EYS: variants seen among roughly 807,000 people sequenced by gnomAD.
EYS encodes the protein EGF-like photoreceptor maintenance factor.
EYS carries 250 observed loss-of-function variants against 282.1 expected under a neutral mutation model. The observed-to-expected ratio is 0.89, with a 90% CI of 0.80 to 0.98. The LOEUF is 0.98. EYS is among the 50% of genes least tolerant of loss of function. The pLI is 0.00. For synonymous variants in EYS, 1,355 were observed against 1,282.9 expected (o/e 1.06, Z -1.20); for missense variants, 4,016 against 3,709.0 (o/e 1.08, Z -2.15).
At chr6:63,926,410 A>G (rs752093588) in intron 35 of EYS, among the ~76,000 whole-genome samples, 1 of 152,194 alleles carries the variant, frequency 6.6e-6, no homozygotes, top group Non-Finnish European at 1.5e-5. Context: ...CTGTATGTAA[A>G]AGTTAAACAT....
intron 8 of EYS, among the ~76,000 whole-genome samples, chr6:65,370,497 C>T (rs1456721808): frequency 6.6e-6 from 1 of 151,244 alleles, no homozygotes; most frequent in East Asian, 1.9e-4. Context: ...TCAAGCCATC[C>T]TTCTATCTCA....
chr6:65,222,108 A>G (rs1237987920), intron 12 of EYS, among the ~76,000 whole-genome samples: 2 of 152,216 alleles, frequency 1.3e-5, no homozygotes, highest in African/African-American at 4.8e-5. Flanking sequence ...GCCTTGTCTC[A>G]GATGAGACTT....
At chr6:63,754,303 G>C (rs988749969) in intron 41 of EYS, among the ~76,000 whole-genome samples, 1 of 151,988 alleles carries the variant, frequency 6.6e-6, no homozygotes, top group South Asian at 2.1e-4. Context: ...TCTACTTGTC[G>C]TTTACATTAG....
chr6:64,146,915 C>T (rs1362985676), intron 31 of EYS, among the ~76,000 whole-genome samples: 1 of 152,096 alleles, frequency 6.6e-6, no homozygotes, highest in African/African-American at 2.4e-5. Flanking sequence ...TTCCATTTTT[C>T]TGATGAAAAA....
At chr6:64,158,668 A>G (rs780625583) in intron 31 of EYS, among the ~76,000 whole-genome samples, 7 of 152,230 alleles carry the variant, frequency 4.6e-5, no homozygotes, top group Non-Finnish European at 8.8e-5. Context: ...TGGGTCACCA[A>G]TTATAATATC....
intron 32 of EYS, among the ~76,000 whole-genome samples, chr6:64,068,557 G>A (rs1482107012): frequency 6.6e-6 from 1 of 151,928 alleles, no homozygotes; most frequent in Non-Finnish European, 1.5e-5. Flanking sequence ...TATACCTAAT[G>A]TAAATGACGA....
At chr6:64,790,271 T>C (rs1005435839) in intron 22 of EYS, among the ~76,000 whole-genome samples, 2 of 151,948 alleles carry the variant, frequency 1.3e-5, no homozygotes. Context: ...ACTGGATCTA[T>C]GAATACCAAA....
chr6:63,727,383 C>T lies in EYS; in HGVS notation c.8072-703G>A, dbSNP rs527615188. ...CTGTGGACCAGGCGTATGCTAACGG[C>T]TCCTTTTACTTTAGATTGAATAATT... On this transcript the variant is annotated intron_variant, in intron 41 of 42. Transcript: ENST00000503581. 2.0e-5 allele frequency among the ~76,000 whole-genome samples: 3 copies of T among 151,984 alleles called. No individual in the cohort carries two copies. In the South Asian group the frequency reaches 6.2e-4, roughly 32 times the overall value.
At chr6:65,362,523 A>G (rs1281014158) in intron 8 of EYS, among the ~76,000 whole-genome samples, 3 of 149,984 alleles carry the variant, frequency 2.0e-5, no homozygotes, top group Non-Finnish European at 4.4e-5. Context: ...ACACATGCAT[A>G]TACATTACAT....
chr6:65,632,387 T>C (rs1437743322), intron 2 of EYS, among the ~76,000 whole-genome samples: 2 of 152,308 alleles, frequency 1.3e-5, no homozygotes, highest in Admixed American at 1.3e-4. Flanking sequence ...ATAAAATTTT[T>C]CTGAGCCTGG....
chr6:63,727,102 T>C (rs981525305), intron 41 of EYS, among the ~76,000 whole-genome samples: 1 of 152,202 alleles, frequency 6.6e-6, no homozygotes, highest in Non-Finnish European at 1.5e-5. Context: ...TATTTCTGAT[T>C]CAAATACAGA....
At chr6:65,316,443 G>A (rs1769296951) in intron 11 of EYS, among the ~76,000 whole-genome samples, 1 of 113,286 alleles carries the variant, frequency 8.8e-6, no homozygotes, top group Admixed American at 1.1e-4. Context: ...ATGTGTGGTG[G>A]GTGGTAAGGG....
intron 33 of EYS, among the ~76,000 whole-genome samples, chr6:64,024,580 T>C (rs917207116): frequency 6.6e-6 from 1 of 152,104 alleles, no homozygotes. Flanking sequence ...TCTTTCACTC[T>C]TTGCAATGAA....
intron 35 of EYS, among the ~76,000 whole-genome samples, chr6:63,971,456 A>G (rs763873538): frequency 1.3e-5 from 2 of 152,240 alleles, no homozygotes; most frequent in African/African-American, 2.4e-5. Flanking sequence ...AGATTATAGA[A>G]AATAGCACTG....
chr6:64,439,670 C>T (rs958775257), intron 26 of EYS, among the ~76,000 whole-genome samples: 3 of 151,710 alleles, frequency 2.0e-5, no homozygotes, highest in Admixed American at 2.0e-4. Flanking sequence ...CTTATTTCTT[C>T]TTTATATAAG....
At chr6:65,615,413 TATAA>T (rs1766154926) in intron 2 of EYS, among the ~76,000 whole-genome samples, 1 of 149,438 alleles carries the variant, frequency 6.7e-6, no homozygotes, top group South Asian at 2.1e-4. Context: ...TGTGTGTATA[TATAA>T]ATATATATAT....
intron 41 of EYS, among the ~76,000 whole-genome samples, chr6:63,738,973 T>C (rs1466507631): frequency 1.3e-5 from 2 of 152,150 alleles, no homozygotes; most frequent in Non-Finnish European, 2.9e-5. Flanking sequence ...TCGTGTTACG[T>C]TTATTAGCTG....
rs565769695 is a variant in EYS at position 65,465,511 on chromosome 6, CA to C, written c.862+25082del. 2.0e-3 allele frequency among the ~76,000 whole-genome samples: 301 copies of C among 150,950 alleles called. 1 individual carries two copies. The highest frequency in any genetic ancestry group is 7.1e-3 in the African/African-American group (291 of 41,114). On this transcript the variant is annotated intron_variant, in intron 5 of 42. Coordinates refer to ENST00000503581, the MANE Select transcript of EYS (RefSeq NM_001142800.2). ...AACAAACAAACACCAACCAAACAAA[CA>C]AAAAAGACAGATAATAGAATGAAAT...
At chr6:64,369,381 C>G (rs775392437) in intron 29 of EYS, among the ~76,000 whole-genome samples, 13 of 152,052 alleles carry the variant, frequency 8.5e-5, no homozygotes, top group South Asian at 2.1e-4. Flanking sequence ...TTAGCATTGC[C>G]TTGGCTATTC....
Sources: allele counts gnomAD v4.1 joint callset (sites outside exome capture counted in the v4.1 genomes callset), GRCh38; gene constraint gnomAD v4.1.1; transcripts MANE v1.5; gene names NCBI Gene and HGNC (gene_info 2026-07-23, HGNC 2026-07-21).